Variants in CPNE2 observed in about 807,000 individuals in gnomAD.
The protein encoded by CPNE2 is copine 2.
Under a neutral mutation model 69.7 loss-of-function variants are expected in CPNE2, and 42 were observed. The ratio of observed to expected loss-of-function variants is 0.60; its 90% CI spans 0.47 to 0.78. CPNE2 has a LOEUF of 0.78. Ranked by LOEUF, CPNE2 falls within the 30% of genes least tolerant of loss-of-function variation. The pLI is 0.00. For missense variants in CPNE2, 587 were observed against 732.0 expected (o/e 0.80, Z 2.29); for synonymous variants, 294 against 289.8 (o/e 1.01, Z -0.15).
At chr16:57,117,708 C>G in intron 5 of CPNE2, 141 bp downstream of exon 5, 1 of 882,484 alleles carries the variant, frequency 1.1e-6, no homozygotes, top group Non-Finnish European at 1.8e-6. Flanking sequence ...CTCCTGGCCA[C>G]TCCAGATTAG....
chr16:57,135,741 G>A (rs1241030518), intron 13 of CPNE2, among the ~76,000 whole-genome samples: 1 of 151,790 alleles, frequency 6.6e-6, no homozygotes, highest in Non-Finnish European at 1.5e-5. Flanking sequence ...AGGCGTGGTG[G>A]TGCGCACCTG....
intron 1 of CPNE2, among the ~76,000 whole-genome samples, chr16:57,110,081 A>G: frequency 6.6e-6 from 1 of 152,340 alleles, no homozygotes; most frequent in South Asian, 2.1e-4. Context: ...ACCCATGTCC[A>G]CTGTGATTTG....
In CPNE2 at chr16:57,099,838, C is replaced by T. The variant is rs550172751; in HGVS notation, c.-36+7048C>T. 3.1e-4 allele frequency among the ~76,000 whole-genome samples: 44 copies of T among 141,242 alleles called. No individual in the cohort carries two copies. In the South Asian group the frequency reaches 9.6e-3, roughly 31 times the overall value. 92.7% of individuals were successfully genotyped at this position (141,242 alleles called of 152,430 possible). A position where few individuals can be genotyped will look rare whatever the true frequency, so the allele number is the denominator to read the frequency against. On this transcript the variant is annotated intron_variant, in intron 1 of 15. Transcript: ENST00000290776. Reference sequence around the variant, plus strand: ...GTTGCCAGGCTGGAGTGCAGTGGTGCGATCTCGGCTCACTGCAACCTCTGC... The same window carrying T: ...GTTGCCAGGCTGGAGTGCAGTGGTGTGATCTCGGCTCACTGCAACCTCTGC...
In CPNE2 at chr16:57,102,544, A is replaced by C. The variant is rs1178918437; in HGVS notation, c.-35-8164A>C. Among the ~76,000 whole-genome samples, 4 of 151,800 alleles carry C rather than the reference A, an allele frequency of 2.6e-5. No homozygotes were observed. In the East Asian group the frequency reaches 7.7e-4, roughly 29 times the overall value. ...TGGGCTTCCCTATGCTGTGTCCACC[A>C]GCCTGGAGGGAGAGCCTAGAGCCGT... is the stretch of plus-strand genomic sequence containing the variant. On this transcript the variant is annotated intron_variant, in intron 1 of 15. Coordinates refer to ENST00000290776, the MANE Select transcript of CPNE2 (RefSeq NM_152727.6).
intron 14 of CPNE2, among the ~76,000 whole-genome samples, chr16:57,140,128 G>A (rs2069910904): frequency 6.6e-6 from 1 of 152,108 alleles, no homozygotes; most frequent in Admixed American, 6.6e-5. Flanking sequence ...CCTGGGGCAT[G>A]TTTCTTCTTA....
intron 1 of CPNE2, among the ~76,000 whole-genome samples, chr16:57,103,079 C>A (rs2069625912): frequency 6.6e-6 from 1 of 152,176 alleles, no homozygotes; most frequent in African/African-American, 2.4e-5. Flanking sequence ...AACCACGCCC[C>A]TTTCTTTGTT....
chr16:57,098,431 G>A (rs2069592260), intron 1 of CPNE2, among the ~76,000 whole-genome samples: 1 of 152,224 alleles, frequency 6.6e-6, no homozygotes, highest in South Asian at 2.1e-4. Context: ...CCTGGCAGGA[G>A]CTGGTGCAGC....
chr16:57,144,430 C>G (rs1473204329), intron 14 of CPNE2: 1 of 152,292 alleles, frequency 6.6e-6, no homozygotes, highest in African/African-American at 2.4e-5. Flanking sequence ...AGTGGCTTTG[C>G]TGGATATGAA....
intron 1 of CPNE2, among the ~76,000 whole-genome samples, chr16:57,095,445 ATTTC>A (rs1286262234): frequency 6.6e-6 from 1 of 152,020 alleles, no homozygotes; most frequent in Non-Finnish European, 1.5e-5. Context: ...ACCCTGGAAT[ATTTC>A]TTTCTTTCTT....
At chr16:57,140,069 C>G (rs1436405764) in intron 14 of CPNE2, among the ~76,000 whole-genome samples, 3 of 152,154 alleles carry the variant, frequency 2.0e-5, no homozygotes, top group African/African-American at 7.2e-5. Flanking sequence ...CCAGAAGGAG[C>G]TCAGAGTGCC....
intron 12 of CPNE2, among the ~76,000 whole-genome samples, chr16:57,132,472 C>T (rs1399232692): frequency 3.3e-5 from 5 of 152,200 alleles, no homozygotes; most frequent in South Asian, 2.1e-4. Context: ...ATGCCCCACC[C>T]GCTGCCTCTA....
chr16:57,109,505 T>C (rs150772776), intron 1 of CPNE2, among the ~76,000 whole-genome samples: 2,071 of 150,150 alleles, frequency 0.014, 26 homozygotes, highest in South Asian at 0.033. Context: ...AGTAAAGGAA[T>C]AAAAGAATGG....
At chr16:57,105,576 C>T (rs2069643261) in intron 1 of CPNE2, among the ~76,000 whole-genome samples, 1 of 152,152 alleles carries the variant, frequency 6.6e-6, no homozygotes, top group African/African-American at 2.4e-5. Context: ...GCTGAGATTA[C>T]AGGTGTGAGC....
intron 12 of CPNE2, among the ~76,000 whole-genome samples, chr16:57,132,896 C>G (rs926326749): frequency 3.1e-4 from 47 of 152,120 alleles, no homozygotes; most frequent in Admixed American, 3.1e-3. Flanking sequence ...CACAGCCCCC[C>G]TGACCGCAAG....
chr16:57,137,924 A>G (rs546020172), intron 14 of CPNE2, among the ~76,000 whole-genome samples: 3 of 152,242 alleles, frequency 2.0e-5, no homozygotes, highest in East Asian at 1.9e-4. Context: ...CATTTCCACC[A>G]TGACCTGCCC....
rs376741496 is a variant in CPNE2 at position 57,115,549 on chromosome 16, C to G, written c.434C>G (p.Thr145Arg). The change falls in exon 4 of 16, where the codon ACG becomes AGG. Residue 145 changes from threonine (T) to arginine (R), a missense_variant and splice_region_variant. Thr to Arg is a moderately conservative substitution (Grantham distance 71). Transcript: ENST00000290776. ...NDKPAGKGLI[T>R]IAAQELSDNR... Reference sequence around the variant, plus strand: ...AAGCCTGCGGGGAAGGGCTTGATTACGGTACCAGTCCCCTCCCGGCTCTCC... The same window carrying G: ...AAGCCTGCGGGGAAGGGCTTGATTAGGGTACCAGTCCCCTCCCGGCTCTCC... 1 of 1,610,038 alleles carries G rather than the reference C, an allele frequency of 6.2e-7. No homozygotes were observed. Among genetic ancestry groups the G allele is most frequent in the Non-Finnish European group, 8.5e-7 (1 of 1,177,566 alleles).
rs1290208730 is a variant in CPNE2 at position 57,110,922 on chromosome 16, G to A, written c.180G>A (p.Glu60=). The A allele has an allele frequency of 1.2e-6, 2 of 1,610,322 alleles. No homozygotes were observed. The highest frequency in any genetic ancestry group is 2.2e-5 in the East Asian group (1 of 44,498). The part of the protein sequence containing the change: ...LFTENNGRWI[E]YDRTETAINN... ...CAGAGAACAATGGCAGATGGATCGA[G>A]GTGAGGCTCTTCCGTGTGTCTGCGG... The change falls in exon 2 of 16, where the codon GAG becomes GAA. Residue 60 remains glutamate (E), a splice_region_variant and synonymous_variant. Coordinates refer to ENST00000290776, the MANE Select transcript of CPNE2 (RefSeq NM_152727.6).
rs1345106445 is a variant in CPNE2 at position 57,121,144 on chromosome 16, T to C, written c.733T>C (p.Phe245Leu). The change falls in exon 8 of 16, where the codon TTC becomes CTC. Residue 245 changes from phenylalanine to leucine, a missense_variant. This residue lies in a region of CPNE2 where 269 missense variants were observed against 300.5 expected (regional missense o/e 0.90). Transcript: ENST00000290776. The stretch of plus-strand genomic sequence containing the variant: ...CGGGGGCCATGACTTCATCGGCGAG[T>C]TCCAGACCTCAGTGTCACAGATGTG... ...NDGGHDFIGE[F>L]QTSVSQMCEA... The C allele has an allele frequency of 6.2e-7, 1 of 1,613,906 alleles. No homozygotes were observed. The highest frequency in any genetic ancestry group is 2.2e-5 in the East Asian group (1 of 44,864).
At chr16:57,133,002 G>C (rs1289867697) in intron 12 of CPNE2, among the ~76,000 whole-genome samples, 2 of 152,166 alleles carry the variant, frequency 1.3e-5, no homozygotes, top group Non-Finnish European at 2.9e-5. Flanking sequence ...TCAGCAGGGG[G>C]CTTTCCCACT....
Sources: allele counts gnomAD v4.1 joint callset (sites outside exome capture counted in the v4.1 genomes callset), GRCh38; gene constraint gnomAD v4.1.1; regional missense constraint gnomAD v4.1.1; transcripts MANE v1.5; gene names NCBI Gene and HGNC (gene_info 2026-07-23, HGNC 2026-07-21).